PHACTR3: variants seen among roughly 807,000 people sequenced by gnomAD.
PHACTR3 encodes protein phosphatase 1, regulatory subunit 123.
Under a neutral mutation model 66.8 loss-of-function variants are expected in PHACTR3, and 16 were observed. That is an observed-to-expected ratio of 0.24 (90% confidence interval 0.16 to 0.36). The LOEUF (loss-of-function observed/expected upper bound fraction) is 0.36, where lower values mean the gene tolerates loss of function less well. PHACTR3 is among the 10% of genes least tolerant of loss of function. The pLI, the probability that PHACTR3 is intolerant of heterozygous loss-of-function variation, is 1.00. For missense variants in PHACTR3, 647 were observed against 719.9 expected, an observed-to-expected ratio of 0.90 and a Z score of 1.16; for synonymous variants, 323 against 292.1, an observed-to-expected ratio of 1.11 and a Z score of -1.08.
chr20:59,673,357 G>T (rs2036260908), intron 1 of PHACTR3, among the ~76,000 whole-genome samples: 3 of 152,220 alleles, frequency 2.0e-5, no homozygotes, highest in Non-Finnish European at 4.4e-5. Context: ...ATCAAAGTGA[G>T]GAGCTCATGA....
At position 59,612,233 on chromosome 20, in the gene PHACTR3, G is replaced by A. The variant is rs187784700; in HGVS notation, c.118+7101G>A. On this transcript the variant is annotated intron_variant, in intron 1 of 12. Transcript: ENST00000371015. ...GCACTAGAAAACTCTTTAACACAGG[G>A]CACCAAACTGCAGCGTCTGCAGGGC... Among the ~76,000 whole-genome samples the A allele has an allele frequency of 5.9e-5, 9 of 152,262 alleles. No individual in the cohort carries two copies. The East Asian group carries it at 1.5e-3, about 26-fold the overall frequency.
chr20:59,725,570 G>A (rs928702261), intron 1 of PHACTR3, among the ~76,000 whole-genome samples: 1 of 152,180 alleles, frequency 6.6e-6, no homozygotes, highest in South Asian at 2.1e-4. Flanking sequence ...TTGGGTTTTG[G>A]GGAGGTGACC....
chr20:59,685,213 G>T (rs533407805), intron 1 of PHACTR3, among the ~76,000 whole-genome samples: 1 of 152,310 alleles, frequency 6.6e-6, no homozygotes, highest in Admixed American at 6.5e-5. Context: ...CCAGCAGCTG[G>T]GAAGGCATCC....
intron 1 of PHACTR3, among the ~76,000 whole-genome samples, chr20:59,645,163 C>T (rs1177422009): frequency 6.6e-6 from 1 of 151,778 alleles, no homozygotes; most frequent in Non-Finnish European, 1.5e-5. Context: ...TAGTGGCCTC[C>T]AGCTGCATCC....
intron 1 of PHACTR3, among the ~76,000 whole-genome samples, chr20:59,723,613 C>G (rs2038433099): frequency 6.6e-6 from 1 of 152,114 alleles, no homozygotes; most frequent in Non-Finnish European, 1.5e-5. Flanking sequence ...TCTACGGGAT[C>G]TACTCAGGAG....
chr20:59,641,220 CCATGTATGTATG>C (rs1568953463), intron 1 of PHACTR3, among the ~76,000 whole-genome samples: 2 of 152,090 alleles, frequency 1.3e-5, no homozygotes, highest in African/African-American at 4.8e-5. Flanking sequence ...ATTCATCCAT[CCATGTATGTATG>C]CATGTATGTA....
chr20:59,756,613 G>A (rs1601281785), intron 4 of PHACTR3, among the ~76,000 whole-genome samples: 2 of 152,052 alleles, frequency 1.3e-5, no homozygotes, highest in East Asian at 3.9e-4. Context: ...TCACGCAGAG[G>A]CCCCCTCCAC....
At chr20:59,734,094 C>A (rs1255285265) in intron 1 of PHACTR3, among the ~76,000 whole-genome samples, 1 of 152,026 alleles carries the variant, frequency 6.6e-6, no homozygotes, top group Non-Finnish European at 1.5e-5. Context: ...CACAGCTCTT[C>A]TTGGTCAGGT....
intron 9 of PHACTR3, among the ~76,000 whole-genome samples, chr20:59,838,620 G>GA (rs1687369433): frequency 6.6e-6 from 1 of 152,160 alleles, no homozygotes; most frequent in South Asian, 2.1e-4. Flanking sequence ...TGAATATTGG[G>GA]AAAAGGATAG....
intron 1 of PHACTR3, among the ~76,000 whole-genome samples, chr20:59,591,872 G>A (rs1037696272): frequency 2.0e-5 from 3 of 152,114 alleles, no homozygotes; most frequent in Non-Finnish European, 4.4e-5. Context: ...AAAGAATACA[G>A]TAGGATGTAA....
In PHACTR3 at chr20:59,697,340, C is replaced by A. The variant is rs567027966; in HGVS notation, c.119-45767C>A. Among the ~76,000 whole-genome samples the A allele has an allele frequency of 3.6e-4, 55 of 152,254 alleles. No individual in the cohort carries two copies. In the South Asian group the frequency reaches 0.01, roughly 29 times the overall value. On this transcript the variant is annotated intron_variant, in intron 1 of 12. Coordinates refer to ENST00000371015, the MANE Select transcript of PHACTR3 (RefSeq NM_080672.5). Reference sequence around the variant, plus strand: ...GCTACTGGAAGACTGAATTCAGAGGCCTCACAGATCTATATCATGACTTTA... The same window carrying A: ...GCTACTGGAAGACTGAATTCAGAGGACTCACAGATCTATATCATGACTTTA...
At chr20:59,778,614 G>A (rs2146913120) in intron 7 of PHACTR3, among the ~76,000 whole-genome samples, 1 of 152,332 alleles carries the variant, frequency 6.6e-6, no homozygotes, top group African/African-American at 2.4e-5. Context: ...CCAGCACATG[G>A]GCTCCGCGAG....
intron 3 of PHACTR3, among the ~76,000 whole-genome samples, chr20:59,754,844 G>T (rs2039726684): frequency 1.3e-5 from 2 of 152,260 alleles, no homozygotes; most frequent in African/African-American, 4.8e-5. Flanking sequence ...AAGCTCCAGG[G>T]CAGAGGCCGG....
At chr20:59,660,629 T>C (rs1386677845) in intron 1 of PHACTR3, among the ~76,000 whole-genome samples, 1 of 152,248 alleles carries the variant, frequency 6.6e-6, no homozygotes, top group African/African-American at 2.4e-5. Context: ...TTCCCTGTTA[T>C]TGCACTACTG....
At chr20:59,597,064 G>A (rs1431885017) in intron 1 of PHACTR3, among the ~76,000 whole-genome samples, 1 of 152,256 alleles carries the variant, frequency 6.6e-6, no homozygotes, top group Non-Finnish European at 1.5e-5. Context: ...TGCTTTGTAA[G>A]CCGGGGTTGC....
chr20:59,606,311 C>CGA lies in PHACTR3; in HGVS notation c.118+1179_118+1180insGA, dbSNP rs1568929428. Among the ~76,000 whole-genome samples, 192 of 151,458 alleles carry CGA rather than the reference C, an allele frequency of 1.3e-3. 1 individual carries two copies. Among genetic ancestry groups the CGA allele is most frequent in the African/African-American group, 4.4e-3 (184 of 41,468 alleles). ...TGTGGGCACTGGATCCCTCCCCCCC[C>CGA]CATTTGAAAATTTAAACAATAAACC... is the stretch of plus-strand genomic sequence containing the variant. On this transcript the variant is annotated intron_variant, in intron 1 of 12. Coordinates refer to ENST00000371015, the MANE Select transcript of PHACTR3 (RefSeq NM_080672.5).
At position 59,738,055 on chromosome 20, in the gene PHACTR3, T is replaced by C. The variant is rs976243244; in HGVS notation, c.119-5052T>C. Among the ~76,000 whole-genome samples the C allele has an allele frequency of 4.6e-5, 7 of 152,052 alleles. No homozygotes were observed. Among genetic ancestry groups the C allele is most frequent in the Non-Finnish European group, 1.0e-4 (7 of 67,984 alleles). ...GTAGTGACGGTGGTCCTGGCAGTGA[T>C]GGTGGTAGGGAGGGGGAGGCGCCAC... is the stretch of plus-strand genomic sequence containing the variant. On this transcript the variant is annotated intron_variant, in intron 1 of 12. Coordinates refer to ENST00000371015, the MANE Select transcript of PHACTR3 (RefSeq NM_080672.5). This position sits in a 1 kb window ranked among gnomAD's most constrained non-coding sequence, Gnocchi z 4.4.
chr20:59,762,983 A>G (rs17732383), intron 4 of PHACTR3, among the ~76,000 whole-genome samples: 3,394 of 152,290 alleles, frequency 0.022, 57 homozygotes, highest in Non-Finnish European at 0.035. Flanking sequence ...GGGTCATGGA[A>G]CACTGAACCT....
chr20:59,614,318 C>G (rs1415516293), intron 1 of PHACTR3, among the ~76,000 whole-genome samples: 1 of 152,228 alleles, frequency 6.6e-6, no homozygotes, highest in Non-Finnish European at 1.5e-5. Flanking sequence ...TCTTTCATTT[C>G]CCAGTTCATT....
Sources: allele counts gnomAD v4.1 joint callset (sites outside exome capture counted in the v4.1 genomes callset), GRCh38; gene constraint gnomAD v4.1.1; non-coding constraint Gnocchi (gnomAD v3.1); transcripts MANE v1.5; gene names NCBI Gene and HGNC (gene_info 2026-07-23, HGNC 2026-07-21).